CENPP: variants seen among roughly 807,000 people sequenced by gnomAD.
CENPP encodes centromere protein P.
CENPP carries 24 observed loss-of-function variants against 35.6 expected under a neutral mutation model. The ratio of observed to expected loss-of-function variants is 0.67; its 90% CI spans 0.49 to 0.95. The LOEUF (loss-of-function observed/expected upper bound fraction) is 0.95, where lower values mean the gene tolerates loss of function less well. Ranked by LOEUF, CENPP falls within the 40% of genes least tolerant of loss-of-function variation. The pLI, the probability that CENPP is intolerant of heterozygous loss-of-function variation, is 0.00. For synonymous variants in CENPP, 120 were observed against 125.5 expected (o/e 0.96, Z 0.29); for missense variants, 332 against 345.3 (o/e 0.96, Z 0.31).
At chr9:92,466,423 T>A in intron 5 of CENPP, 1 of 1,611,016 alleles carries the variant, frequency 6.2e-7, no homozygotes, top group Non-Finnish European at 8.5e-7. Context: ...TTTATTTTCA[T>A]GAATTCTGAG....
At chr9:92,603,385 G>C (rs1850981582) in intron 5 of CENPP, among the ~76,000 whole-genome samples, 2 of 152,220 alleles carry the variant, frequency 1.3e-5, no homozygotes, top group African/African-American at 4.8e-5. Context: ...GCAGATCATT[G>C]TTCTTCCCAG....
chr9:92,512,215 G>A (rs1847394724), intron 5 of CENPP: 3 of 755,532 alleles, frequency 4.0e-6, no homozygotes, highest in Non-Finnish European at 4.3e-6. Context: ...GATATCAAGA[G>A]AGAGCTTTGT....
At chr9:92,571,463 G>T (rs943944338) in intron 5 of CENPP, among the ~76,000 whole-genome samples, 2 of 152,158 alleles carry the variant, frequency 1.3e-5, no homozygotes, top group Admixed American at 1.3e-4. Context: ...TATAATTTCT[G>T]TTCTTTTACA....
intron 4 of CENPP, among the ~76,000 whole-genome samples, chr9:92,346,751 A>G (rs1841305298): frequency 6.6e-6 from 1 of 152,202 alleles, no homozygotes; most frequent in Admixed American, 6.5e-5. Flanking sequence ...GTTTGGACTG[A>G]AATGATGATA....
rs72754419 is a variant in CENPP at position 92,491,722 on chromosome 9, C to T, written c.564+111863C>T. On this transcript the variant is annotated intron_variant, in intron 5 of 7. Transcript: ENST00000375587. ...GTGTGCCCCTTATCTGACAAGATAA[C>T]TATTCACTGAATTCCTTTTGATGTC... 8.3e-3 allele frequency among the ~76,000 whole-genome samples: 1,265 copies of T among 152,328 alleles called. 8 individuals are homozygous for T. The highest frequency in any genetic ancestry group is 0.015 in the Non-Finnish European group (1,013 of 68,032).
intron 5 of CENPP, among the ~76,000 whole-genome samples, chr9:92,537,370 T>C (rs1382896556): frequency 1.3e-5 from 2 of 152,076 alleles, no homozygotes; most frequent in Non-Finnish European, 2.9e-5. Flanking sequence ...TTTTTAAAAA[T>C]GTAAAACTAG....
intron 5 of CENPP, among the ~76,000 whole-genome samples, chr9:92,458,014 G>A (rs1022462764): frequency 6.6e-5 from 10 of 152,154 alleles, no homozygotes; most frequent in African/African-American, 2.4e-4. Context: ...AGCATTTTCT[G>A]TGACCAAAGG....
intron 5 of CENPP, among the ~76,000 whole-genome samples, chr9:92,521,426 G>T (rs72754434): frequency 0.04 from 6,056 of 152,010 alleles, 186 homozygotes; most frequent in South Asian, 0.098. Context: ...CAATCATGTT[G>T]TAAGTGTGGC....
intron 5 of CENPP, among the ~76,000 whole-genome samples, chr9:92,547,790 G>A (rs2131321085): frequency 6.6e-6 from 1 of 152,208 alleles, no homozygotes; most frequent in East Asian, 1.9e-4. Context: ...TTTAAAGTAT[G>A]CGTTTTATGG....
At chr9:92,586,079 CTT>C (rs1564012237) in intron 5 of CENPP, among the ~76,000 whole-genome samples, 3 of 152,178 alleles carry the variant, frequency 2.0e-5, no homozygotes, top group African/African-American at 4.8e-5. Flanking sequence ...GCGTTTCGCT[CTT>C]GTCGCCCAGG....
At chr9:92,457,159 G>T in intron 5 of CENPP, 3 of 1,424,162 alleles carry the variant, frequency 2.1e-6, no homozygotes, top group Non-Finnish European at 2.8e-6. Context: ...AAATAAGTCA[G>T]TGGACTTACC....
At chr9:92,475,110 CTT>C (rs1334447720) in intron 5 of CENPP, among the ~76,000 whole-genome samples, 1 of 152,078 alleles carries the variant, frequency 6.6e-6, no homozygotes, top group African/African-American at 2.4e-5. Context: ...AAAAATATCT[CTT>C]TTTCAGATAG....
At chr9:92,390,200 A>C (rs985238393) in intron 5 of CENPP, 3 of 568,802 alleles carry the variant, frequency 5.3e-6, no homozygotes, top group Non-Finnish European at 6.1e-6. Context: ...AGCCCAGTAA[A>C]GTTTTGTGGA....
chr9:92,591,499 T>A (rs1850663318), intron 5 of CENPP, among the ~76,000 whole-genome samples: 1 of 151,546 alleles, frequency 6.6e-6, no homozygotes, highest in Admixed American at 6.6e-5. Context: ...CCCTTGTGTG[T>A]CAATCCTAAC....
At chr9:92,525,893 CAAA>C (rs71362395) in intron 5 of CENPP, among the ~76,000 whole-genome samples, 1 of 43,908 alleles carries the variant, frequency 2.3e-5, no homozygotes, top group East Asian at 6.7e-4. Flanking sequence ...ACTCTATCTC[CAAA>C]AAAAAAAAAA....
chr9:92,496,114 T>C, intron 5 of CENPP: 3 of 1,207,754 alleles, frequency 2.5e-6, no homozygotes, highest in Non-Finnish European at 3.1e-6. Context: ...TGAGAGATTT[T>C]ACCTTTACTA....
chr9:92,422,175 T>A (rs777564238), intron 5 of CENPP, among the ~76,000 whole-genome samples: 2 of 152,002 alleles, frequency 1.3e-5, no homozygotes, highest in African/African-American at 4.8e-5. Context: ...CTCAGCCTCC[T>A]GAGTAGCTGG....
At chr9:92,412,647 A>C (rs1380766771) in intron 5 of CENPP, among the ~76,000 whole-genome samples, 1 of 152,188 alleles carries the variant, frequency 6.6e-6, no homozygotes, top group Non-Finnish European at 1.5e-5. Flanking sequence ...CACTGAGCAT[A>C]ATGTTTTCAA....
intron 5 of CENPP, among the ~76,000 whole-genome samples, chr9:92,397,810 G>C (rs902828483): frequency 2.8e-4 from 42 of 152,108 alleles, no homozygotes; most frequent in African/African-American, 9.2e-4. Flanking sequence ...AACATATACG[G>C]ATATAAACAT....
Sources: gnomAD v4.1 joint callset for allele counts (sites outside exome capture counted in the v4.1 genomes callset) on GRCh38, gnomAD v4.1.1 for gene constraint, MANE v1.5 for transcripts, NCBI Gene and HGNC (gene_info 2026-07-23, HGNC 2026-07-21) for gene names.